Variants in FUT9 observed in about 807,000 individuals in gnomAD.
FUT9 encodes fucosyltransferase 9, also known as 4-galactosyl-N-acetylglucosaminide 3-alpha-L-fucosyltransferase 9.
Under a neutral mutation model 29.7 loss-of-function variants are expected in FUT9, and 15 were observed. The ratio of observed to expected loss-of-function variants is 0.51; its 90% CI spans 0.34 to 0.78. The LOEUF (loss-of-function observed/expected upper bound fraction) is 0.78. FUT9 is among the 30% of genes least tolerant of loss of function. The probability of loss-of-function intolerance (pLI) is 0.01; values close to 1 mark genes in which losing one functional copy is unlikely to be tolerated. For missense variants in FUT9, 319 were observed against 425.4 expected (o/e 0.75, Z 2.20); for synonymous variants, 169 against 153.7 (o/e 1.10, Z -0.74).
intron 2 of FUT9, among the ~76,000 whole-genome samples, chr6:96,181,632 T>G (rs1773310740): frequency 6.6e-6 from 1 of 152,004 alleles, no homozygotes. Flanking sequence ...CATATGCCTT[T>G]GCATCCTCAT....
At chr6:96,039,439 C>T (rs1157108233) in intron 1 of FUT9, among the ~76,000 whole-genome samples, 2 of 152,132 alleles carry the variant, frequency 1.3e-5, no homozygotes, top group Admixed American at 6.6e-5. Context: ...TAAGTTTCTA[C>T]TGAGCCTATT....
chr6:96,027,949 C>A (rs1018489021), intron 1 of FUT9, among the ~76,000 whole-genome samples: 11 of 151,448 alleles, frequency 7.3e-5, no homozygotes, highest in Non-Finnish European at 1.5e-4. Context: ...TATTTAATAG[C>A]AACATTAACA....
At chr6:96,174,379 T>C (rs1014423666) in intron 2 of FUT9, among the ~76,000 whole-genome samples, 1 of 152,112 alleles carries the variant, frequency 6.6e-6, no homozygotes. Flanking sequence ...GACCAGATGT[T>C]TTCCATCTAC....
intron 1 of FUT9, among the ~76,000 whole-genome samples, chr6:96,046,377 A>G (rs966424156): frequency 3.0e-4 from 45 of 152,312 alleles, no homozygotes; most frequent in African/African-American, 1.1e-3. Flanking sequence ...AGGCCAACAA[A>G]TTGATCACAG....
intron 1 of FUT9, among the ~76,000 whole-genome samples, chr6:96,100,213 T>C (rs1412213888): frequency 2.0e-5 from 3 of 149,278 alleles, no homozygotes; most frequent in African/African-American, 7.5e-5. Context: ...ACTTGGAATT[T>C]AACACACACA....
In FUT9 at chr6:96,212,335, G is replaced by C. The variant is rs1773953193; in HGVS notation, c.*8100G>C. The C allele has an allele frequency of 2.4e-6, 1 of 412,552 alleles. No homozygotes were observed. Among genetic ancestry groups the C allele is most frequent in the African/African-American group, 2.1e-5 (1 of 48,594 alleles). The allele number at this position is 412,552 out of a possible 1,614,324, so 25.6% of individuals were successfully genotyped here. A position where few individuals can be genotyped will look rare whatever the true frequency, so the allele number is the denominator to read the frequency against. The stretch of plus-strand genomic sequence containing the variant: ...TACATGTCTCCAGGGACTGTAATGA[G>C]ATCAGGCTTTTCATTTACTGGTTTT... On this transcript the variant is annotated 3_prime_UTR_variant, in exon 3 of 3. Transcript: ENST00000302103.
At chr6:96,041,575 C>A (rs937486066) in intron 1 of FUT9, among the ~76,000 whole-genome samples, 1 of 152,238 alleles carries the variant, frequency 6.6e-6, no homozygotes, top group Admixed American at 6.5e-5. Flanking sequence ...ACAAAACCAG[C>A]TGACTGCCCT....
intron 2 of FUT9, among the ~76,000 whole-genome samples, chr6:96,162,174 G>A (rs532697864): frequency 1.3e-4 from 20 of 152,214 alleles, no homozygotes; most frequent in Non-Finnish European, 2.4e-4. Flanking sequence ...TCATATCTGA[G>A]TCTAGTTCTG....
intron 1 of FUT9, among the ~76,000 whole-genome samples, chr6:96,109,176 C>G (rs1771751066): frequency 6.6e-6 from 1 of 152,182 alleles, no homozygotes; most frequent in African/African-American, 2.4e-5. Flanking sequence ...TTAATGTCAT[C>G]TGGTCAGCTG....
intron 2 of FUT9, among the ~76,000 whole-genome samples, chr6:96,152,325 G>A (rs970392418): frequency 6.6e-6 from 1 of 152,096 alleles, no homozygotes; most frequent in South Asian, 2.1e-4. Flanking sequence ...ATTTATATGT[G>A]GATATCGCTC....
Position 96,035,654 on chromosome 6 carries a change from T to TAATATAATATAATATTATATTAA in FUT9, c.-98+19452_-98+19453insAATATTATATTAAAATATAATAT, listed in dbSNP as rs1582183798. Among the ~76,000 whole-genome samples, 3 of 45,232 alleles carry TAATATAATATAATATTATATTAA rather than the reference T, an allele frequency of 6.6e-5. No individual in the cohort carries two copies. The East Asian group carries it at 1.4e-3, about 21-fold the overall frequency. 29.7% of individuals were successfully genotyped at this position (45,232 alleles called of 152,430 possible). On this transcript the variant is annotated intron_variant, in intron 1 of 2. Coordinates refer to ENST00000302103, the MANE Select transcript of FUT9 (RefSeq NM_006581.4). Reference sequence around the variant, plus strand: ...TAATAAAATATTATATTTATTATACTAATATAATATTATATTAAAATATAA... The same window carrying TAATATAATATAATATTATATTAA: ...TAATAAAATATTATATTTATTATACTAATATAATATAATATTATATTAAAATATAATATTATATTAAAATATAA...
chr6:96,096,182 C>T (rs565801239), intron 1 of FUT9, among the ~76,000 whole-genome samples: 5 of 152,154 alleles, frequency 3.3e-5, no homozygotes, highest in Non-Finnish European at 5.9e-5. Flanking sequence ...GCAACTACAT[C>T]CAGTTGCAGA....
intron 2 of FUT9, among the ~76,000 whole-genome samples, chr6:96,142,008 A>G (rs1254781508): frequency 6.6e-6 from 1 of 152,220 alleles, no homozygotes; most frequent in Non-Finnish European, 1.5e-5. Flanking sequence ...ATATGTGTAT[A>G]TTGGTGAAAA....
At chr6:96,043,188 A>C (rs1174952124) in intron 1 of FUT9, among the ~76,000 whole-genome samples, 2 of 152,002 alleles carry the variant, frequency 1.3e-5, no homozygotes, top group Non-Finnish European at 2.9e-5. Flanking sequence ...AGTAGCTGGG[A>C]CTACAGGCGC....
intron 1 of FUT9, among the ~76,000 whole-genome samples, chr6:96,111,540 AACAC>A (rs66491542): frequency 0.16 from 23,470 of 145,374 alleles, 2,064 homozygotes; most frequent in Admixed American, 0.24. Context: ...TGATTTGGGA[AACAC>A]ACACACACAC....
chr6:96,056,590 A>C (rs1183051118), intron 1 of FUT9, among the ~76,000 whole-genome samples: 2 of 152,106 alleles, frequency 1.3e-5, no homozygotes, highest in African/African-American at 4.8e-5. Flanking sequence ...AGTATCCAAC[A>C]AAATAAGCTC....
At chr6:96,177,511 GA>G (rs1174226139) in intron 2 of FUT9, among the ~76,000 whole-genome samples, 1 of 152,056 alleles carries the variant, frequency 6.6e-6, no homozygotes, top group Non-Finnish European at 1.5e-5. Context: ...TAAAAAAACA[GA>G]AAACCTATCT....
chr6:96,180,327 G>A (rs954306172), intron 2 of FUT9, among the ~76,000 whole-genome samples: 1 of 151,988 alleles, frequency 6.6e-6, no homozygotes, highest in Non-Finnish European at 1.5e-5. Flanking sequence ...GAAGGTTGGG[G>A]ATGTTGCCCA....
At chr6:96,110,080 C>T (rs1317839132) in intron 1 of FUT9, among the ~76,000 whole-genome samples, 1 of 152,106 alleles carries the variant, frequency 6.6e-6, no homozygotes, top group Non-Finnish European at 1.5e-5. Flanking sequence ...CATACATGAC[C>T]TCCTTCATGA....
Sources: gnomAD v4.1 joint callset for allele counts (sites outside exome capture counted in the v4.1 genomes callset) on GRCh38, gnomAD v4.1.1 for gene constraint, MANE v1.5 for transcripts, NCBI Gene and HGNC (gene_info 2026-07-23, HGNC 2026-07-21) for gene names.